ITPKB: variants seen among roughly 807,000 people sequenced by gnomAD.
ITPKB encodes IP3 3-kinase B.
A neutral mutation model predicts 69.4 loss-of-function variants in ITPKB; 13 were observed. That is an observed-to-expected ratio of 0.19 (90% CI 0.12 to 0.30). The LOEUF (loss-of-function observed/expected upper bound fraction) is 0.30. Ranked by LOEUF, ITPKB falls within the 10% of genes least tolerant of loss-of-function variation. The pLI is 1.00. For missense variants in ITPKB, 1,240 were observed against 1,250.5 expected (o/e 0.99, Z 0.13); for synonymous variants, 584 against 513.7 (o/e 1.14, Z -1.85).
rs1668770307 is a variant in ITPKB at position 226,633,734 on chromosome 1, G to A, written c.*937C>T. ...TCCTCCCCTATTTCTATATCTGCAA[G>A]GGACTCTGGGCCCCATGACAGGAGC... is the stretch of plus-strand genomic sequence containing the variant. On this transcript the variant is annotated 3_prime_UTR_variant, in exon 8 of 8. Transcript: ENST00000429204. The A allele has an allele frequency of 6.6e-6, 1 of 152,360 alleles. No homozygotes were observed. Among genetic ancestry groups the A allele is most frequent in the South Asian group, 2.1e-4 (1 of 4,830 alleles). 9.4% of individuals were successfully genotyped at this position (152,360 alleles called of 1,614,324 possible).
At chr1:226,728,091 C>T (rs1429202277) in intron 2 of ITPKB, among the ~76,000 whole-genome samples, 1 of 152,186 alleles carries the variant, frequency 6.6e-6, no homozygotes, top group African/African-American at 2.4e-5. Context: ...GGAAAAAAAA[C>T]ATCTCCTCCC....
chr1:226,724,016 C>A (rs1470433059), intron 2 of ITPKB, among the ~76,000 whole-genome samples: 1 of 152,186 alleles, frequency 6.6e-6, no homozygotes, highest in African/African-American at 2.4e-5. Context: ...CACTTAAAAA[C>A]GCTCTTCACA....
chr1:226,663,917 G>A (rs1669447100), intron 2 of ITPKB, among the ~76,000 whole-genome samples: 1 of 152,182 alleles, frequency 6.6e-6, no homozygotes, highest in African/African-American at 2.4e-5. Context: ...GTGAGGTGAG[G>A]ATCTCCTATG....
chr1:226,719,353 G>A (rs1023506972), intron 2 of ITPKB, among the ~76,000 whole-genome samples: 2 of 152,186 alleles, frequency 1.3e-5, no homozygotes, highest in African/African-American at 4.8e-5. Context: ...AGGAATCCTG[G>A]TGGTCGCTCC....
intron 2 of ITPKB, among the ~76,000 whole-genome samples, chr1:226,708,608 G>A (rs1656869266): frequency 6.6e-6 from 1 of 152,172 alleles, no homozygotes; most frequent in Non-Finnish European, 1.5e-5. Context: ...CAGGACACGA[G>A]GCCCTGTAGC....
chr1:226,689,054 T>C (rs1656283976), intron 2 of ITPKB, among the ~76,000 whole-genome samples: 4 of 152,192 alleles, frequency 2.6e-5, no homozygotes, highest in Admixed American at 2.6e-4. Flanking sequence ...GAGAGACGTT[T>C]AGCTTTATGA....
intron 1 of ITPKB, 119 bp from the exon 2 acceptor site, chr1:226,737,782 C>T (rs566770840): frequency 2.7e-4 from 50 of 183,628 alleles, no homozygotes; most frequent in South Asian, 9.4e-4. Context: ...CCAGCGCCAC[C>T]GGACATCTCA....
chr1:226,714,272 A>G (rs1657042493), intron 2 of ITPKB, among the ~76,000 whole-genome samples: 2 of 152,212 alleles, frequency 1.3e-5, no homozygotes, highest in South Asian at 4.1e-4. Context: ...TATGTGATTC[A>G]CCATGTTCTC....
intron 2 of ITPKB, among the ~76,000 whole-genome samples, chr1:226,691,914 C>G (rs1475965679): frequency 6.6e-6 from 1 of 152,182 alleles, no homozygotes. Flanking sequence ...TCAGTGGTCA[C>G]CCAGGGCCCA....
chr1:226,732,711 G>A (rs77524786), intron 2 of ITPKB, among the ~76,000 whole-genome samples: 3,769 of 152,176 alleles, frequency 0.025, 153 homozygotes, highest in African/African-American at 0.084. Context: ...GTAAACAACC[G>A]CTGGTTAATT....
intron 2 of ITPKB, among the ~76,000 whole-genome samples, chr1:226,655,554 G>T (rs1669272872): frequency 6.6e-6 from 1 of 152,248 alleles, no homozygotes; most frequent in Admixed American, 6.5e-5. Context: ...CAGGAGCGGT[G>T]AGGATGCAAC....
chr1:226,691,603 A>G (rs1656354119), intron 2 of ITPKB, among the ~76,000 whole-genome samples: 1 of 152,216 alleles, frequency 6.6e-6, no homozygotes. Context: ...AATATAGAGC[A>G]GAGCAAAACA....
chr1:226,638,621 G>T, intron 6 of ITPKB, among the ~76,000 whole-genome samples: 1 of 152,238 alleles, frequency 6.6e-6, no homozygotes, highest in Non-Finnish European at 1.5e-5. Context: ...TGTGGGCAGA[G>T]CATCTATCCA....
At chr1:226,640,053 C>A (rs1038659219) in intron 5 of ITPKB, among the ~76,000 whole-genome samples, 1 of 152,158 alleles carries the variant, frequency 6.6e-6, no homozygotes, top group African/African-American at 2.4e-5. Context: ...GGAACCGGTG[C>A]CCGGAGGTCC....
rs753276512 is a variant in ITPKB, at chr1:226,648,799, C to T, written c.1933-28G>A. The T allele has an allele frequency of 9.1e-6, 13 of 1,424,210 alleles. No individual in the cohort carries two copies. The East Asian group carries it at 2.7e-4, about 30-fold the overall frequency. 88.2% of individuals were successfully genotyped at this position (1,424,210 alleles called of 1,614,324 possible). A position where few individuals can be genotyped will look rare whatever the true frequency, so the allele number is the denominator to read the frequency against. On this transcript the variant is annotated intron_variant, in intron 2 of 7. Coordinates refer to ENST00000429204, the MANE Select transcript of ITPKB (RefSeq NM_002221.4). Reference sequence around the variant, plus strand: ...AGAAACAAACAAACAAAAAGCTCTACATTAGAAAGACAACCACTAATTTCT... The same window carrying T: ...AGAAACAAACAAACAAAAAGCTCTATATTAGAAAGACAACCACTAATTTCT...
chr1:226,707,991 G>T, intron 2 of ITPKB: 1 of 885,764 alleles, frequency 1.1e-6, no homozygotes, highest in Non-Finnish European at 1.6e-6. Flanking sequence ...AACAAAATAT[G>T]GAAACTACCC....
Position 226,736,244 on chromosome 1 carries a change from G to T in ITPKB, c.1215C>A (p.Ser405=), listed in dbSNP as rs753100856. 5 of 1,552,154 alleles carry T rather than the reference G, an allele frequency of 3.2e-6. No homozygotes were observed. The highest frequency in any genetic ancestry group is 3.5e-6 in the Non-Finnish European group (4 of 1,151,704). The part of the protein sequence containing the change: ...ETTVSVQSAE[S]SDSLSWSRLP... The stretch of plus-strand genomic sequence containing the variant: ...GCCTGGACCAGCTCAGGGAATCAGA[G>T]GACTCTGCGCTTTGCACGCTCACAG... The change falls in exon 2 of 8, where the codon TCC becomes TCA. Residue 405 remains serine (S), a synonymous_variant. Coordinates refer to ENST00000429204, the MANE Select transcript of ITPKB (RefSeq NM_002221.4).
At chr1:226,732,485 G>T (rs768681123) in intron 2 of ITPKB, among the ~76,000 whole-genome samples, 1 of 151,538 alleles carries the variant, frequency 6.6e-6, no homozygotes, top group East Asian at 1.9e-4. Context: ...TGATCCACCC[G>T]CCTTGGCCTC....
chr1:226,658,335 A>G (rs942944682), intron 2 of ITPKB, among the ~76,000 whole-genome samples: 4 of 152,202 alleles, frequency 2.6e-5, no homozygotes, highest in Non-Finnish European at 4.4e-5. Flanking sequence ...AAGCCCAGGC[A>G]GGTAGGGGCC....
Sources: allele counts gnomAD v4.1 joint callset (sites outside exome capture counted in the v4.1 genomes callset), GRCh38; gene constraint gnomAD v4.1.1; transcripts MANE v1.5; gene names NCBI Gene and HGNC (gene_info 2026-07-23, HGNC 2026-07-21).